NRXN1: variants seen among roughly 807,000 people sequenced by gnomAD.
NRXN1 encodes neurexin-1.
A neutral mutation model predicts 150.9 loss-of-function variants in NRXN1; 39 were observed. The ratio of observed to expected loss-of-function variants is 0.26; its 90% CI spans 0.20 to 0.34. NRXN1 has a LOEUF of 0.34. Among genes scored for constraint, NRXN1 ranks in the 10% least tolerant of loss-of-function variants. The pLI is 1.00. For synonymous variants in NRXN1, 924 were observed against 757.0 expected (o/e 1.22, Z -3.62); for missense variants, 1,815 against 1,949.9 (o/e 0.93, Z 1.30).
chr2:50,879,452 T>A (rs1679102873), intron 5 of NRXN1, among the ~76,000 whole-genome samples: 1 of 151,998 alleles, frequency 6.6e-6, no homozygotes, highest in African/African-American at 2.4e-5. Context: ...GAGTTATGAA[T>A]AAATAAAATT....
intron 5 of NRXN1, among the ~76,000 whole-genome samples, chr2:50,822,288 C>G (rs1190063472): frequency 6.6e-6 from 1 of 152,012 alleles, no homozygotes; most frequent in Non-Finnish European, 1.5e-5. Context: ...GTATCTAAAA[C>G]AATTACTAAA....
intron 17 of NRXN1, among the ~76,000 whole-genome samples, chr2:50,326,996 G>A (rs1190947396): frequency 1.3e-5 from 2 of 152,208 alleles, no homozygotes; most frequent in African/African-American, 4.8e-5. Context: ...TTGAGAAACT[G>A]TGGGACAAAG....
At chr2:50,435,995 T>G (rs1454160642) in intron 17 of NRXN1, among the ~76,000 whole-genome samples, 2 of 152,186 alleles carry the variant, frequency 1.3e-5, no homozygotes, top group East Asian at 1.9e-4. Flanking sequence ...GTCAAACTCC[T>G]TTATTTTACA....
At chr2:50,947,318 G>C (rs1326143747) in intron 2 of NRXN1, among the ~76,000 whole-genome samples, 2 of 151,882 alleles carry the variant, frequency 1.3e-5, no homozygotes, top group East Asian at 1.9e-4. Flanking sequence ...ATGAAGAAAT[G>C]AATCAGACAT....
At chr2:50,846,290 G>C (rs148151964) in intron 5 of NRXN1, among the ~76,000 whole-genome samples, 76 of 152,258 alleles carry the variant, frequency 5.0e-4, no homozygotes, top group Middle Eastern at 3.4e-3. Context: ...GATCTGCCTT[G>C]AATCGGTATT....
chr2:50,495,753 G>C (rs1238292818), intron 15 of NRXN1, among the ~76,000 whole-genome samples, 152 bp downstream of exon 15: 2 of 152,050 alleles, frequency 1.3e-5, no homozygotes, highest in African/African-American at 2.4e-5. Flanking sequence ...GGGGAGCAGA[G>C]GCTTGTGTGT....
At chr2:50,260,600 C>G (rs1342517445) in intron 17 of NRXN1, among the ~76,000 whole-genome samples, 1 of 123,788 alleles carries the variant, frequency 8.1e-6, no homozygotes, top group Admixed American at 8.4e-5. Context: ...ACACCGATGA[C>G]AAAAGAAGTT....
At chr2:50,669,084 G>T (rs1688470184) in intron 5 of NRXN1, among the ~76,000 whole-genome samples, 2 of 151,840 alleles carry the variant, frequency 1.3e-5, no homozygotes. Context: ...GTGGCCATCA[G>T]GAAATTGAGT....
intron 17 of NRXN1, among the ~76,000 whole-genome samples, chr2:50,322,092 T>G (rs1418476527): frequency 6.8e-6 from 1 of 147,410 alleles, no homozygotes; most frequent in Non-Finnish European, 1.5e-5. Flanking sequence ...ATGGATTAAA[T>G]CTAGGGACTA....
At chr2:50,973,543 C>G (rs928958831) in intron 2 of NRXN1, among the ~76,000 whole-genome samples, 3 of 152,052 alleles carry the variant, frequency 2.0e-5, no homozygotes, top group Non-Finnish European at 2.9e-5. Flanking sequence ...TTAAGTCCAA[C>G]ATTTCATCTT....
At chr2:50,179,722 T>G (rs2060580657) in intron 18 of NRXN1, among the ~76,000 whole-genome samples, 1 of 152,140 alleles carries the variant, frequency 6.6e-6, no homozygotes, top group South Asian at 2.1e-4. Context: ...CCCTTTTTTA[T>G]ACTACATAGT....
At chr2:50,297,586 T>A (rs1015957258) in intron 17 of NRXN1, among the ~76,000 whole-genome samples, 4 of 152,198 alleles carry the variant, frequency 2.6e-5, no homozygotes, top group African/African-American at 9.6e-5. Flanking sequence ...TATTTCAACG[T>A]TTGCATTCTC....
At chr2:50,530,113 G>A (rs2093059622) in intron 11 of NRXN1, among the ~76,000 whole-genome samples, 1 of 151,928 alleles carries the variant, frequency 6.6e-6, no homozygotes. Flanking sequence ...ATATACGTGT[G>A]TTTAACACTG....
At chr2:50,765,623 G>A (rs1321859155) in intron 5 of NRXN1, among the ~76,000 whole-genome samples, 1 of 152,034 alleles carries the variant, frequency 6.6e-6, no homozygotes, top group African/African-American at 2.4e-5. Context: ...ATATAATCAA[G>A]GCTTCTTTCT....
intron 18 of NRXN1, among the ~76,000 whole-genome samples, chr2:50,159,813 T>G: frequency 6.6e-6 from 1 of 152,090 alleles, no homozygotes. Context: ...AAAGTTAACT[T>G]GGGACAAGTT....
Position 50,734,442 on chromosome 2 carries a change from G to A in NRXN1, c.833-110827C>T, listed in dbSNP as rs531233508. 5.9e-5 allele frequency among the ~76,000 whole-genome samples: 9 copies of A among 152,208 alleles called. No homozygotes were observed. The South Asian group carries it at 1.7e-3, about 28-fold the overall frequency. ...AAATGACTAACATGAAACTTTAATA[G>A]CCCTCAGTGTTGCACCGCTTTCTTT... On this transcript the variant is annotated intron_variant, in intron 5 of 22. Transcript: ENST00000401669.
At chr2:50,312,518 G>A (rs1575042087) in intron 17 of NRXN1, among the ~76,000 whole-genome samples, 2 of 151,712 alleles carry the variant, frequency 1.3e-5, no homozygotes, top group Non-Finnish European at 2.9e-5. Context: ...TTTTGACAGT[G>A]CTTTTACATT....
intron 21 of NRXN1, among the ~76,000 whole-genome samples, chr2:49,999,292 C>T (rs1179573335): frequency 6.6e-6 from 1 of 152,078 alleles, no homozygotes; most frequent in Non-Finnish European, 1.5e-5. Flanking sequence ...TATGCTATCT[C>T]CAAAATGACT....
chr2:50,552,251 TA>T (rs1200816285), intron 9 of NRXN1, among the ~76,000 whole-genome samples: 1 of 152,122 alleles, frequency 6.6e-6, no homozygotes, highest in African/African-American at 2.4e-5. Context: ...TCCAATAACA[TA>T]AGAGAAAACT....
Sources: allele counts gnomAD v4.1 joint callset (sites outside exome capture counted in the v4.1 genomes callset), GRCh38; gene constraint gnomAD v4.1.1; transcripts MANE v1.5; gene names NCBI Gene and HGNC (gene_info 2026-07-23, HGNC 2026-07-21).